Variants in PLCL1 observed in about 807,000 individuals in gnomAD.
PLCL1 encodes inactive phospholipase C-like protein 1.
Under a neutral mutation model 84.4 loss-of-function variants are expected in PLCL1, and 41 were observed. The ratio of observed to expected loss-of-function variants is 0.49; its 90% CI spans 0.38 to 0.63. The LOEUF (loss-of-function observed/expected upper bound fraction) is 0.63, where lower values mean the gene tolerates loss of function less well. PLCL1 is among the 30% of genes least tolerant of loss of function. The pLI, the probability that PLCL1 is intolerant of heterozygous loss-of-function variation, is 0.00. For missense variants in PLCL1, 1,206 were observed against 1,367.8 expected, an observed-to-expected ratio of 0.88 and a Z score of 1.87; for synonymous variants, 490 against 488.3, an observed-to-expected ratio of 1.00 and a Z score of -0.05.
In PLCL1 at chr2:198,085,608, G is replaced by T. The variant is rs147854527; in HGVS notation, c.2091G>T (p.Pro697=). Residue 697 remains proline (P), a synonymous_variant, in exon 2 of 6, where the codon CCG becomes CCT. Coordinates refer to ENST00000428675, the MANE Select transcript of PLCL1 (RefSeq NM_006226.4). The surrounding 1 kb of genome is among the most constrained non-coding windows in gnomAD (Gnocchi z 5.3). ...GGGGATGTGGTTATGTTCTAAGGCC[G>T]TCTATAATGCGAGATGAAGTTTCTT... ...QNGGCGYVLR[P]SIMRDEVSYF... 1 of 1,614,064 alleles carries T rather than the reference G, an allele frequency of 6.2e-7. No homozygotes were observed. Among genetic ancestry groups the T allele is most frequent in the East Asian group, 2.2e-5 (1 of 44,872 alleles).
chr2:197,817,969 C>T (rs1002347730), intron 1 of PLCL1, among the ~76,000 whole-genome samples: 1 of 151,896 alleles, frequency 6.6e-6, no homozygotes, highest in East Asian at 1.9e-4. Context: ...TAGCAGTGAT[C>T]GTTGGACCCA....
intron 1 of PLCL1, among the ~76,000 whole-genome samples, chr2:197,974,423 C>T (rs1203096228): frequency 6.6e-6 from 1 of 152,100 alleles, no homozygotes; most frequent in Non-Finnish European, 1.5e-5. Context: ...AAAAAGAAGC[C>T]CTCCTTTATG....
chr2:197,885,947 A>G lies in PLCL1; in HGVS notation c.240+80608A>G, dbSNP rs188617611. 4.6e-5 allele frequency among the ~76,000 whole-genome samples: 7 copies of G among 152,320 alleles called. No homozygotes were observed. In the East Asian group the frequency reaches 1.3e-3, roughly 29 times the overall value. On this transcript the variant is annotated intron_variant, in intron 1 of 5. Coordinates refer to ENST00000428675, the MANE Select transcript of PLCL1 (RefSeq NM_006226.4). ...ACTAAAACTATAGCTTCATGAGGGA[A>G]AGAGACTATGGCCATAGTAGGAGTT...
chr2:198,029,878 T>G (rs1691365744), intron 1 of PLCL1, among the ~76,000 whole-genome samples: 1 of 104,408 alleles, frequency 9.6e-6, no homozygotes, highest in South Asian at 2.6e-4. Flanking sequence ...TTTTGTATTT[T>G]CAGTAGAGAC....
rs953299422 is a variant in PLCL1, at chr2:197,895,077, C to T, written c.240+89738C>T. ...GGGGAAGTAATTTAAAAGTGTTGGCCCAGTGGACTTCCCTTTTGATTAAAT... is the reference window on the plus strand; with the variant it reads ...GGGGAAGTAATTTAAAAGTGTTGGCTCAGTGGACTTCCCTTTTGATTAAAT... On this transcript the variant is annotated intron_variant, in intron 1 of 5. Coordinates refer to ENST00000428675, the MANE Select transcript of PLCL1 (RefSeq NM_006226.4). Among the ~76,000 whole-genome samples, 7 of 151,872 alleles carry T rather than the reference C, an allele frequency of 4.6e-5. 1 individual carries two copies. Among genetic ancestry groups the T allele is most frequent in the East Asian group, 1.9e-4 (1 of 5,204 alleles).
intron 1 of PLCL1, among the ~76,000 whole-genome samples, chr2:198,031,046 G>A (rs980978973): frequency 1.3e-5 from 2 of 151,970 alleles, no homozygotes; most frequent in Non-Finnish European, 2.9e-5. Flanking sequence ...CATACATCAT[G>A]CCTTAGTTGC....
intron 1 of PLCL1, among the ~76,000 whole-genome samples, chr2:197,990,531 A>C (rs747455304): frequency 1.3e-5 from 2 of 152,146 alleles, no homozygotes; most frequent in Non-Finnish European, 2.9e-5. Context: ...GTGAAGGAGG[A>C]GCAAAGGCAC....
chr2:197,870,881 C>A (rs975452339), intron 1 of PLCL1, among the ~76,000 whole-genome samples: 1 of 151,992 alleles, frequency 6.6e-6, no homozygotes, highest in African/African-American at 2.4e-5. Flanking sequence ...GACCAGGCTG[C>A]CCCTATTCCT....
intron 1 of PLCL1, among the ~76,000 whole-genome samples, chr2:197,842,664 C>G (rs1687031587): frequency 6.7e-6 from 1 of 149,622 alleles, no homozygotes; most frequent in African/African-American, 2.6e-5. Context: ...TTCTCAACAC[C>G]CATATTCTAA....
At chr2:197,869,086 A>C (rs1687600296) in intron 1 of PLCL1, among the ~76,000 whole-genome samples, 2 of 152,164 alleles carry the variant, frequency 1.3e-5, no homozygotes, top group Admixed American at 1.3e-4. Context: ...TCTAGCTCTT[A>C]CATCTTGTCT....
chr2:197,866,142 C>CTA lies in PLCL1; in HGVS notation c.240+60816_240+60817dup, dbSNP rs1214760475. Among the ~76,000 whole-genome samples the CTA allele has an allele frequency of 1.4e-3, 11 of 7,918 alleles. 3 individuals are homozygous for CTA. The South Asian group carries it at 0.021, about 15-fold the overall frequency. 5.2% of individuals were successfully genotyped at this position (7,918 alleles called of 152,430 possible). On this transcript the variant is annotated intron_variant, in intron 1 of 5. Coordinates refer to ENST00000428675, the MANE Select transcript of PLCL1 (RefSeq NM_006226.4). ...TATATAAACTATATATATATATAAA[C>CTA]TATATATATATATAAACTATATATA...
intron 1 of PLCL1, among the ~76,000 whole-genome samples, chr2:197,987,969 GT>G (rs1690252795): frequency 6.6e-6 from 1 of 152,174 alleles, no homozygotes; most frequent in South Asian, 2.1e-4. Context: ...CTGAGTTTCA[GT>G]TTTAGAAGCA....
chr2:197,863,926 C>T (rs1406566689), intron 1 of PLCL1, among the ~76,000 whole-genome samples: 2 of 152,060 alleles, frequency 1.3e-5, no homozygotes, highest in African/African-American at 2.4e-5. Flanking sequence ...CCTATTTTTC[C>T]TTTAAGAATT....
At chr2:197,858,076 C>T (rs983395529) in intron 1 of PLCL1, among the ~76,000 whole-genome samples, 3 of 152,138 alleles carry the variant, frequency 2.0e-5, no homozygotes, top group Non-Finnish European at 2.9e-5. Flanking sequence ...GGGTATGTTT[C>T]GGAATACTGA....
At chr2:197,925,589 T>C (rs1688816372) in intron 1 of PLCL1, among the ~76,000 whole-genome samples, 1 of 152,352 alleles carries the variant, frequency 6.6e-6, no homozygotes, top group Admixed American at 6.5e-5. Context: ...AGAAAGCCTG[T>C]ACCCACATCT....
intron 1 of PLCL1, among the ~76,000 whole-genome samples, chr2:197,808,418 T>C (rs922622689): frequency 6.6e-6 from 1 of 152,222 alleles, no homozygotes; most frequent in African/African-American, 2.4e-5. Flanking sequence ...ATCAAACTTA[T>C]AGCATTTAAA....
At chr2:197,943,627 C>CTTTTTGTTTTTTTT (rs1689209865) in intron 1 of PLCL1, among the ~76,000 whole-genome samples, 1 of 119,208 alleles carries the variant, frequency 8.4e-6, no homozygotes, top group African/African-American at 3.2e-5. Flanking sequence ...TTGGTTACAT[C>CTTTTTGTTTTTTTT]TTTTTTTTTT....
intron 1 of PLCL1, among the ~76,000 whole-genome samples, chr2:198,077,229 C>T (rs111854861): frequency 1.1e-4 from 17 of 151,888 alleles, no homozygotes; most frequent in Admixed American, 3.3e-4. Context: ...GGTCTCATTT[C>T]GTTCTCTATC....
chr2:197,919,108 A>C (rs1027069937), intron 1 of PLCL1, among the ~76,000 whole-genome samples: 1 of 152,242 alleles, frequency 6.6e-6, no homozygotes, highest in Non-Finnish European at 1.5e-5. Context: ...AGATAAATCC[A>C]AAGATCAGAT....
Sources: allele counts gnomAD v4.1 joint callset (sites outside exome capture counted in the v4.1 genomes callset), GRCh38; gene constraint gnomAD v4.1.1; non-coding constraint Gnocchi (gnomAD v3.1); transcripts MANE v1.5; gene names NCBI Gene and HGNC (gene_info 2026-07-23, HGNC 2026-07-21).